Variants in ANKRD44 observed in about 807,000 individuals in gnomAD.
The protein encoded by ANKRD44 is serine/threonine-protein phosphatase 6 regulatory ankyrin repeat subunit B.
A neutral mutation model predicts 116.0 loss-of-function variants in ANKRD44; 35 were observed. The observed-to-expected ratio is 0.30, with a 90% CI of 0.23 to 0.40. The LOEUF is 0.40. Ranked by LOEUF, ANKRD44 falls within the 10% of genes least tolerant of loss-of-function variation. The pLI, the probability that ANKRD44 is intolerant of heterozygous loss-of-function variation, is 1.00. For synonymous variants in ANKRD44, 435 were observed against 461.8 expected (o/e 0.94, Z 0.74); for missense variants, 1,014 against 1,242.6 (o/e 0.82, Z 2.77).
chr2:197,036,811 C>G (rs1209018611), intron 16 of ANKRD44, among the ~76,000 whole-genome samples: 1 of 152,200 alleles, frequency 6.6e-6, no homozygotes, highest in Non-Finnish European at 1.5e-5. Flanking sequence ...TGCAAGAGCC[C>G]TAAAAATGTT....
chr2:197,125,295 G>A, intron 6 of ANKRD44, 86 bp downstream of exon 6: 1 of 1,277,820 alleles, frequency 7.8e-7, no homozygotes, highest in Admixed American at 1.8e-5. Context: ...AGTCAGACTG[G>A]AGAAAACCTA....
intron 16 of ANKRD44, among the ~76,000 whole-genome samples, chr2:197,053,725 CA>C (rs1483243326): frequency 3.3e-5 from 5 of 152,154 alleles, no homozygotes; most frequent in African/African-American, 1.2e-4. Context: ...TCAGGTGATC[CA>C]CCCTCCTTGG....
At chr2:197,196,728 G>T (rs2080957966) in intron 1 of ANKRD44, among the ~76,000 whole-genome samples, 2 of 152,168 alleles carry the variant, frequency 1.3e-5, no homozygotes, top group East Asian at 3.8e-4. Flanking sequence ...TCTAAAATCT[G>T]TTAGCACCTG....
In ANKRD44 at chr2:197,201,734, C is replaced by G. The variant is rs2697316; in HGVS notation, c.28-14628G>C. ...TGTGCAGGTTTGTTACACAGGTATACTGTGTGATGCTAAGGTTTGGGCTTC... is the reference window on the plus strand; with the variant it reads ...TGTGCAGGTTTGTTACACAGGTATAGTGTGTGATGCTAAGGTTTGGGCTTC... On this transcript the variant is annotated intron_variant, in intron 1 of 27. Transcript: ENST00000282272. The surrounding 1 kb of genome is among the most constrained non-coding windows in gnomAD (Gnocchi z 4.0). 6.6e-6 allele frequency among the ~76,000 whole-genome samples: 1 copy of G among 152,194 alleles called. No homozygotes were observed.
intron 21 of ANKRD44, among the ~76,000 whole-genome samples, chr2:197,002,156 C>T (rs1574251457): frequency 6.6e-6 from 1 of 152,194 alleles, no homozygotes; most frequent in African/African-American, 2.4e-5. Flanking sequence ...CTCACACAGG[C>T]ATGCTTCAAT....
Position 197,083,557 on chromosome 2 carries a change from G to A in ANKRD44, c.1317-48C>T, listed in dbSNP as rs755158378. 3.8e-6 allele frequency: 6 copies of A among 1,577,828 alleles called. No individual in the cohort carries two copies. The East Asian group carries it at 1.4e-4, about 36-fold the overall frequency. ...TTACTCCATTCAGTCTAGAAAACAGGCCTGTTGTTGGCACTAGCACTGGCA... is the reference window on the plus strand; with the variant it reads ...TTACTCCATTCAGTCTAGAAAACAGACCTGTTGTTGGCACTAGCACTGGCA... On this transcript the variant is annotated intron_variant, in intron 13 of 27. Transcript: ENST00000282272.
At chr2:197,195,682 A>T (rs921951521) in intron 1 of ANKRD44, among the ~76,000 whole-genome samples, 1 of 152,216 alleles carries the variant, frequency 6.6e-6, no homozygotes, top group Non-Finnish European at 1.5e-5. Context: ...TTAGTTCTGG[A>T]ACATTTCCAT....
chr2:197,274,590 T>A (rs1202778895), intron 1 of ANKRD44, among the ~76,000 whole-genome samples: 1 of 152,216 alleles, frequency 6.6e-6, no homozygotes, highest in East Asian at 1.9e-4. Flanking sequence ...CTGCCAGGTG[T>A]GCTGAGGCCT....
chr2:196,981,505 G>A (rs541995378), intron 21 of ANKRD44, among the ~76,000 whole-genome samples: 63 of 152,272 alleles, frequency 4.1e-4, no homozygotes, highest in African/African-American at 1.5e-3. Flanking sequence ...GCTGGGCGTG[G>A]TGGCCCACAC....
At chr2:197,195,484 C>A (rs1574249448) in intron 1 of ANKRD44, among the ~76,000 whole-genome samples, 1 of 152,124 alleles carries the variant, frequency 6.6e-6, no homozygotes, top group Non-Finnish European at 1.5e-5. Context: ...ATCACAGTCT[C>A]CCCAGGTGCT....
chr2:197,132,565 AT>A (rs1268145727), intron 4 of ANKRD44, among the ~76,000 whole-genome samples: 1 of 152,190 alleles, frequency 6.6e-6, no homozygotes, highest in African/African-American at 2.4e-5. Flanking sequence ...TTAGACTGAT[AT>A]CTGTGTTATA....
At chr2:197,013,393 A>G in intron 18 of ANKRD44, 118 bp downstream of exon 18, 1 of 1,146,180 alleles carries the variant, frequency 8.7e-7, no homozygotes, top group Non-Finnish European at 1.3e-6. Context: ...AGTGCATCTG[A>G]TGTGGAAAGA....
chr2:197,017,992 G>A (rs2076423309), intron 17 of ANKRD44, among the ~76,000 whole-genome samples: 1 of 152,202 alleles, frequency 6.6e-6, no homozygotes, highest in Admixed American at 6.5e-5. Context: ...GTATCTGGCA[G>A]GAATCTGGCC....
intron 16 of ANKRD44, among the ~76,000 whole-genome samples, chr2:197,062,386 C>T (rs190347134): frequency 5.6e-4 from 85 of 152,288 alleles, no homozygotes; most frequent in Middle Eastern, 6.8e-3. Flanking sequence ...AGAGCTTAAG[C>T]GCATTGATTT....
chr2:197,195,445 C>T (rs2080925185), intron 1 of ANKRD44, among the ~76,000 whole-genome samples: 1 of 152,198 alleles, frequency 6.6e-6, no homozygotes, highest in Admixed American at 6.5e-5. Context: ...CAAGCCATCA[C>T]AGGAAAGAAC....
chr2:197,176,802 A>G (rs892582550), intron 2 of ANKRD44, among the ~76,000 whole-genome samples: 3 of 152,144 alleles, frequency 2.0e-5, no homozygotes, highest in African/African-American at 7.2e-5. Context: ...CCCGGGTATA[A>G]CCAGCTATGC....
intron 1 of ANKRD44, among the ~76,000 whole-genome samples, chr2:197,256,268 G>C (rs1262924075): frequency 6.6e-6 from 1 of 152,160 alleles, no homozygotes; most frequent in Non-Finnish European, 1.5e-5. Context: ...ATCACTAGGT[G>C]TCTAAACTTG....
chr2:197,024,949 C>A (rs555450395), intron 17 of ANKRD44, among the ~76,000 whole-genome samples: 1 of 152,282 alleles, frequency 6.6e-6, no homozygotes, highest in South Asian at 2.1e-4. Context: ...TTTTCATTTG[C>A]CCTCATTTCG....
At chr2:196,979,604 C>T (rs867159582) in intron 21 of ANKRD44, among the ~76,000 whole-genome samples, 2 of 135,326 alleles carry the variant, frequency 1.5e-5, no homozygotes, top group African/African-American at 5.8e-5. Flanking sequence ...GCTCTTGTTG[C>T]CCAGGCTGGA....
Sources: gnomAD v4.1 joint callset for allele counts (sites outside exome capture counted in the v4.1 genomes callset) on GRCh38, gnomAD v4.1.1 for gene constraint, Gnocchi (gnomAD v3.1) non-coding constraint, MANE v1.5 for transcripts, NCBI Gene and HGNC (gene_info 2026-07-23, HGNC 2026-07-21) for gene names.